The following ALAS2 variants were observed in gnomAD, a reference collection of about 807,000 sequenced individuals.
ALAS2 encodes 5'-aminolevulinate synthase 2.
In ALAS2, 3 loss-of-function variants were observed where a neutral mutation model predicts 33.7. That is an observed-to-expected ratio of 0.09 (90% CI 0.04 to 0.23). ALAS2 has a LOEUF of 0.23. ALAS2 is among the 10% of genes least tolerant of loss of function. ALAS2 has a pLI of 1.00. For synonymous variants in ALAS2, 191 were observed against 177.3 expected, an observed-to-expected ratio of 1.08 and a Z score of -0.61; for missense variants, 304 against 475.1, an observed-to-expected ratio of 0.64 and a Z score of 3.35.
chrX:55,017,814 C>A, intron 6 of ALAS2, 149 bp from the exon 7 acceptor site: 1 of 590,203 alleles, frequency 1.7e-6, no homozygotes. Context: ...TTTTGTGACA[C>A]TTCTTTCTCC....
In ALAS2 at chrX:55,015,579, A is replaced by G; in HGVS notation, c.1167T>C (p.Leu389=). ...AGAAGGCCCAAAGCATTCACTTACCAAGAGTTCCAGAGATGATGTCAATCT... is the reference window on the plus strand; with the variant it reads ...AGAAGGCCCAAAGCATTCACTTACCGAGAGTTCCAGAGATGATGTCAATCT... The part of the protein sequence containing the change: ...MHKIDIISGT[L]GKAFGCVGGY... Residue 389 remains leucine (L), a splice_region_variant and synonymous_variant, in exon 8 of 11, where the codon CTT becomes CTC. Coordinates refer to ENST00000650242, the MANE Select transcript of ALAS2 (RefSeq NM_000032.5). 1.7e-6 allele frequency: 2 copies of G among 1,211,350 alleles called. No homozygotes were observed. Among genetic ancestry groups the G allele is most frequent in the Non-Finnish European group, 2.2e-6 (2 of 895,342 alleles).
chrX:55,017,686 T>A (rs1935727456), intron 6 of ALAS2, 21 bp from the exon 7 acceptor site: 1 of 1,203,408 alleles, frequency 8.3e-7, no homozygotes, highest in Non-Finnish European at 1.1e-6. Context: ...AGATGTATAA[T>A]CCTTAAGCTT....
intron 6 of ALAS2, among the ~76,000 whole-genome samples, chrX:55,019,995 A>G (rs1185985574): frequency 1.8e-5 from 2 of 111,520 alleles, no homozygotes; most frequent in Non-Finnish European, 3.8e-5. Flanking sequence ...GAAGAGGAGA[A>G]GAAGTTTGAA....
At chrX:55,022,972 G>T (rs1303267092) in intron 4 of ALAS2, among the ~76,000 whole-genome samples, 1 of 111,532 alleles carries the variant, frequency 9.0e-6, no homozygotes, top group Non-Finnish European at 1.9e-5. Flanking sequence ...CATTTTCTTT[G>T]AGTACATTTG....
At position 55,014,789 on chromosome X, in the gene ALAS2, G is replaced by T; in HGVS notation, c.1395C>A (p.Gly465=). The T allele has an allele frequency of 1.7e-6, 2 of 1,196,143 alleles. No homozygotes were observed. Among genetic ancestry groups the T allele is most frequent in the Non-Finnish European group, 1.1e-6 (1 of 885,878 alleles). The change falls in exon 9 of 11, where the codon GGC becomes GGA. Residue 465 remains glycine, a synonymous_variant. Coordinates refer to ENST00000650242, the MANE Select transcript of ALAS2 (RefSeq NM_000032.5). The stretch of plus-strand genomic sequence containing the variant: ...GGCTGGGGCAGGGGATGACAGGAAG[G>T]CCCCTGTCCATGAGTAGCTGGCGCA... The part of the protein sequence containing the change: ...KHMRQLLMDR[G]LPVIPCPSHI...
chrX:55,023,967 GT>G (rs1487860063), intron 3 of ALAS2, 100 bp from the exon 4 acceptor site: 8 of 691,411 alleles, frequency 1.2e-5, no homozygotes, highest in Admixed American at 8.0e-5. Flanking sequence ...GAAAATTCAA[GT>G]TTATAAGGTA....
intron 7 of ALAS2, 60 bp from the exon 8 acceptor site, chrX:55,015,802 A>T (rs983272125): frequency 2.0e-5 from 23 of 1,163,248 alleles, no homozygotes; most frequent in Non-Finnish European, 2.6e-5. Flanking sequence ...TCCATCTCCA[A>T]TGTGGAATTT....
chrX:55,013,217 C>T (rs774889025), intron 10 of ALAS2, among the ~76,000 whole-genome samples: 33 of 111,562 alleles, frequency 3.0e-4, no homozygotes, highest in Non-Finnish European at 4.1e-4. Flanking sequence ...CTCTCTGCTC[C>T]GACAACTCTA....
intron 1 of ALAS2, chrX:55,027,739 C>T (rs1237523167): frequency 8.3e-7 from 1 of 1,210,112 alleles, no homozygotes; most frequent in Middle Eastern, 2.3e-4. Context: ...AGAACAAGCA[C>T]CCTCCCCGTA....
rs1935846225 is a variant in ALAS2 at position 55,023,773 on chromosome X, A to G, written c.399T>C (p.Ile133=). 8.3e-7 allele frequency: 1 copy of G among 1,208,143 alleles called. No individual in the cohort carries two copies. The highest frequency in any genetic ancestry group is 1.8e-5 in the African/African-American group (1 of 56,819). ...CAAACTCACCAGGCATATTGTTCTG[A>G]ATCAGGTGTGTGACCTTCCCAGAGA... is the stretch of plus-strand genomic sequence containing the variant. ...EQISGKVTHL[I]QNNMPGNYVF... The change falls in exon 4 of 11, where the codon ATT becomes ATC. Residue 133 remains isoleucine (I), a synonymous_variant. Transcript: ENST00000650242.
At position 55,015,579 on chromosome X, in the gene ALAS2, A is replaced by C. The variant is rs140584437; in HGVS notation, c.1167T>G (p.Leu389=). The C allele has an allele frequency of 7.1e-4, 864 of 1,209,138 alleles. 8 individuals carry two copies. In the African/African-American group the frequency reaches 0.012, roughly 16 times the overall value. ...MHKIDIISGT[L]GKAFGCVGGY... Reference sequence around the variant, plus strand: ...AGAAGGCCCAAAGCATTCACTTACCAAGAGTTCCAGAGATGATGTCAATCT... The same window carrying C: ...AGAAGGCCCAAAGCATTCACTTACCCAGAGTTCCAGAGATGATGTCAATCT... Residue 389 remains leucine, a splice_region_variant and synonymous_variant, in exon 8 of 11, where the codon CTT becomes CTG. Transcript: ENST00000650242.
chrX:55,024,943 C>A, intron 2 of ALAS2, 103 bp from the exon 3 acceptor site: 1 of 1,062,746 alleles, frequency 9.4e-7, no homozygotes, highest in Non-Finnish European at 1.3e-6. Flanking sequence ...CTATCTCAGG[C>A]TATTGTAGAG....
chrX:55,012,677 C>T (rs1296973828), intron 10 of ALAS2, among the ~76,000 whole-genome samples: 4 of 111,944 alleles, frequency 3.6e-5, no homozygotes, highest in Non-Finnish European at 7.5e-5. Context: ...ATCCCAGCTA[C>T]TTGGGAGGCT....
chrX:55,018,440 G>A (rs1351442599), intron 6 of ALAS2, among the ~76,000 whole-genome samples: 2 of 111,415 alleles, frequency 1.8e-5, no homozygotes, highest in African/African-American at 6.5e-5. Flanking sequence ...TGGAGAAAAT[G>A]GCTTGAAAGA....
intron 9 of ALAS2, among the ~76,000 whole-genome samples, chrX:55,014,015 AAATT>A (rs1935654290): frequency 9.0e-6 from 1 of 111,264 alleles, no homozygotes; most frequent in Non-Finnish European, 1.9e-5. Context: ...TGCTGTCACT[AAATT>A]AATTCATAAA....
chrX:55,010,473 T>G (rs1308259022), intron 10 of ALAS2, among the ~76,000 whole-genome samples: 1 of 111,159 alleles, frequency 9.0e-6, no homozygotes, highest in Non-Finnish European at 1.9e-5. Context: ...TGTACTCAAT[T>G]TTTCTGTCTC....
intron 7 of ALAS2, among the ~76,000 whole-genome samples, chrX:55,015,967 G>C (rs868019020): frequency 0.012 from 823 of 71,090 alleles, 13 homozygotes; most frequent in African/African-American, 0.049. Context: ...CTCTGTGTGT[G>C]TGTGTGTGTG....
Position 55,014,882 on chromosome X carries a change from A to G in ALAS2, c.1302T>C (p.Ser434=), listed in dbSNP as rs1365637366. ...CCTCCTCTCCCTTGAGCAGCCGCAC[A>G]GATTCTAGAGCTCCAGAGAGCACCA... ...PPMVLSGALE[S]VRLLKGEEGQ... is the part of the protein sequence containing the mutation. Residue 434 remains serine (S), a synonymous_variant, in exon 9 of 11, where the codon TCT becomes TCC. Transcript: ENST00000650242. The G allele has an allele frequency of 8.3e-7, 1 of 1,208,186 alleles. No individual in the cohort carries two copies. The highest frequency in any genetic ancestry group is 3.0e-5 in the East Asian group (1 of 33,725).
At position 55,030,422 on chromosome X, in the gene ALAS2, C is replaced by G. The variant is rs747900196; in HGVS notation, c.-16+520G>C. On this transcript the variant is annotated intron_variant, in intron 1 of 10. Transcript: ENST00000650242. ...TAGTTTCCCTCCCTAGCTCTTCCCC[C>G]ACCCCTAGGCTCCCCATGGGCTCTG... Among the ~76,000 whole-genome samples the G allele has an allele frequency of 3.6e-5, 4 of 111,705 alleles. No individual in the cohort carries two copies. The East Asian group carries it at 8.5e-4, about 24-fold the overall frequency.
Sources: gnomAD v4.1 joint callset for allele counts (sites outside exome capture counted in the v4.1 genomes callset) on GRCh38, gnomAD v4.1.1 for gene constraint, MANE v1.5 for transcripts, NCBI Gene and HGNC (gene_info 2026-07-23, HGNC 2026-07-21) for gene names.